The following POFUT3 variants were observed in gnomAD, a reference collection of about 807,000 sequenced individuals.
POFUT3 encodes protein O-fucosyltransferase 3.
At chr8:33,374,514 G>C in the POFUT3 span, among the ~76,000 whole-genome samples, 1 of 152,196 alleles carries the variant, frequency 6.6e-6, no homozygotes, top group Non-Finnish European at 1.5e-5. Context: ...TCCCGAATTT[G>C]ATCCTAGCGC....
the POFUT3 span, among the ~76,000 whole-genome samples, chr8:33,364,921 T>C: frequency 2.0e-5 from 3 of 152,156 alleles, no homozygotes; most frequent in African/African-American, 4.8e-5. Flanking sequence ...TTAAATTTCA[T>C]ATGGAACCAA....
the POFUT3 span, among the ~76,000 whole-genome samples, chr8:33,395,232 C>T: frequency 1.3e-5 from 2 of 152,312 alleles, no homozygotes; most frequent in East Asian, 3.9e-4. Flanking sequence ...TACATCCCCA[C>T]TTTCCTGCCC....
At chr8:33,446,834 C>A in the POFUT3 span, among the ~76,000 whole-genome samples, 1 of 152,138 alleles carries the variant, frequency 6.6e-6, no homozygotes, top group Admixed American at 6.6e-5. Context: ...ACTGAAAAAA[C>A]TGACTAGATA....
chr8:33,436,538 G>A, the POFUT3 span: 1 of 1,002,852 alleles, frequency 1.0e-6, no homozygotes, highest in Non-Finnish European at 1.6e-6. Flanking sequence ...TGATGGTGCA[G>A]GTTGCGTATG....
chr8:33,425,491 A>G, the POFUT3 span, among the ~76,000 whole-genome samples: 1 of 152,140 alleles, frequency 6.6e-6, no homozygotes, highest in Non-Finnish European at 1.5e-5. Context: ...AGGAGAAGGA[A>G]AAAGTCCAGA....
the POFUT3 span, among the ~76,000 whole-genome samples, chr8:33,442,631 C>CTT: frequency 1.8e-3 from 269 of 147,948 alleles, 2 homozygotes; most frequent in African/African-American, 4.6e-3. Context: ...TTTTCAGCCA[C>CTT]TTTTTTTTTT....
At chr8:33,364,854 A>G in the POFUT3 span, among the ~76,000 whole-genome samples, 1 of 152,228 alleles carries the variant, frequency 6.6e-6, no homozygotes, top group African/African-American at 2.4e-5. Context: ...TTATAGATTC[A>G]ATGCCATCCC....
the POFUT3 span, among the ~76,000 whole-genome samples, chr8:33,375,047 A>AT: frequency 2.5e-4 from 38 of 151,096 alleles, no homozygotes; most frequent in African/African-American, 9.2e-4. Context: ...TGTCCAGCTA[A>AT]TTTTTTTTAT....
chr8:33,470,410 A>G, the POFUT3 span, among the ~76,000 whole-genome samples: 21 of 152,224 alleles, frequency 1.4e-4, no homozygotes, highest in South Asian at 4.4e-3. Context: ...GCAGAGCTAG[A>G]CCCTGTCTCA....
chr8:33,462,802 G>A, the POFUT3 span, among the ~76,000 whole-genome samples: 1 of 151,974 alleles, frequency 6.6e-6, no homozygotes, highest in South Asian at 2.1e-4. Flanking sequence ...ATGGGGGTGT[G>A]CACCTATAGT....
the POFUT3 span, among the ~76,000 whole-genome samples, chr8:33,321,380 ACT>A: frequency 1.3e-5 from 2 of 152,024 alleles, no homozygotes; most frequent in Non-Finnish European, 2.9e-5. Flanking sequence ...TGGCTTTTTC[ACT>A]CACACATCTG....
the POFUT3 span, among the ~76,000 whole-genome samples, chr8:33,318,501 A>G: frequency 2.8e-5 from 3 of 107,066 alleles, 1 homozygote; most frequent in African/African-American, 9.4e-5. Context: ...CATATATTAT[A>G]ATATAATATA....
chr8:33,406,229 A>C, the POFUT3 span, among the ~76,000 whole-genome samples: 4 of 152,048 alleles, frequency 2.6e-5, no homozygotes, highest in Admixed American at 6.6e-5. Context: ...GATATATTCT[A>C]ACATGAAAAA....
chr8:33,400,111 T>C, the POFUT3 span, among the ~76,000 whole-genome samples: 4 of 148,420 alleles, frequency 2.7e-5, no homozygotes, highest in Admixed American at 2.7e-4. Context: ...TTTATTAAAG[T>C]TCCCTTTGTT....
At chr8:33,461,342 TC>T in the POFUT3 span, 1 of 1,581,094 alleles carries the variant, frequency 6.3e-7, no homozygotes, top group African/African-American at 1.4e-5. Context: ...GGCCCAGCTA[TC>T]AACACTACAC....
chr8:33,427,378 G>A, the POFUT3 span, among the ~76,000 whole-genome samples: 5 of 151,998 alleles, frequency 3.3e-5, no homozygotes, highest in East Asian at 9.7e-4. Context: ...GGGAGTTCGA[G>A]ACCAGCCTGG....
At chr8:33,438,011 A>C in the POFUT3 span, among the ~76,000 whole-genome samples, 1 of 152,160 alleles carries the variant, frequency 6.6e-6, no homozygotes, top group Admixed American at 6.6e-5. Flanking sequence ...AAATATGTAG[A>C]TGTCAATTAC....
At chr8:33,454,267 C>T in the POFUT3 span, among the ~76,000 whole-genome samples, 1 of 152,322 alleles carries the variant, frequency 6.6e-6, no homozygotes, top group East Asian at 1.9e-4. Flanking sequence ...GGAGAGAAGC[C>T]TCTTTCTTGT....
the POFUT3 span, among the ~76,000 whole-genome samples, chr8:33,466,350 G>A: frequency 1.3e-5 from 2 of 152,018 alleles, no homozygotes; most frequent in African/African-American, 4.8e-5. Flanking sequence ...AATCACCTGA[G>A]CCCAGGAGTT....
Sources: allele counts gnomAD v4.1 joint callset (sites outside exome capture counted in the v4.1 genomes callset), GRCh38; gene constraint gnomAD v4.1.1; transcripts MANE v1.5; gene names NCBI Gene and HGNC (gene_info 2026-07-23, HGNC 2026-07-21).